GABBR2: variants seen among roughly 807,000 people sequenced by gnomAD.
GABBR2 encodes the protein G-protein coupled receptor 51.
GABBR2 carries 23 observed loss-of-function variants against 105.6 expected under a neutral mutation model. The ratio of observed to expected loss-of-function variants is 0.22; its 90% CI spans 0.16 to 0.31. GABBR2 has a LOEUF of 0.31. Among genes scored for constraint, GABBR2 ranks in the 10% least tolerant of loss-of-function variants. The probability of loss-of-function intolerance (pLI) is 1.00; values close to 1 mark genes in which losing one functional copy is unlikely to be tolerated. For synonymous variants in GABBR2, 478 were observed against 499.7 expected, an observed-to-expected ratio of 0.96 and a Z score of 0.58; for missense variants, 734 against 1,245.5, an observed-to-expected ratio of 0.59 and a Z score of 6.18.
At chr9:98,598,064 C>T (rs1197838371) in intron 1 of GABBR2, among the ~76,000 whole-genome samples, 1 of 152,158 alleles carries the variant, frequency 6.6e-6, no homozygotes, top group Non-Finnish European at 1.5e-5. Context: ...CTCAGGCAAT[C>T]CACCCGCCTT....
At chr9:98,613,447 G>A (rs201033638) in intron 1 of GABBR2, among the ~76,000 whole-genome samples, 114 of 144,142 alleles carry the variant, frequency 7.9e-4, no homozygotes, top group Non-Finnish European at 8.4e-4. Flanking sequence ...CTCAGGGGAA[G>A]AAAAAAAAAA....
chr9:98,511,032 G>T (rs910340329), intron 3 of GABBR2, among the ~76,000 whole-genome samples: 7 of 152,124 alleles, frequency 4.6e-5, no homozygotes, highest in Non-Finnish European at 7.3e-5. Context: ...AAATGTAAAA[G>T]AACAGAAGTT....
At chr9:98,356,947 C>T (rs1831495460) in intron 13 of GABBR2, among the ~76,000 whole-genome samples, 1 of 152,086 alleles carries the variant, frequency 6.6e-6, no homozygotes, top group African/African-American at 2.4e-5. Context: ...TGAAAGAAGC[C>T]AGTCTAAAAA....
chr9:98,580,710 C>T (rs1242310227), intron 1 of GABBR2, among the ~76,000 whole-genome samples: 2 of 152,148 alleles, frequency 1.3e-5, no homozygotes, highest in Admixed American at 6.5e-5. Context: ...ATCGCTTGAA[C>T]CTGGGAGGCG....
At chr9:98,382,514 C>A (rs1263143648) in intron 11 of GABBR2, among the ~76,000 whole-genome samples, 3 of 152,134 alleles carry the variant, frequency 2.0e-5, no homozygotes, top group African/African-American at 7.2e-5. Context: ...TGGGGTTTGC[C>A]ATGTTGGCCA....
intron 1 of GABBR2, among the ~76,000 whole-genome samples, chr9:98,660,937 G>A (rs529354132): frequency 1.3e-5 from 2 of 152,234 alleles, no homozygotes; most frequent in South Asian, 2.1e-4. Flanking sequence ...ATGGAGTCTC[G>A]CTCTGTTGCC....
intron 12 of GABBR2, among the ~76,000 whole-genome samples, chr9:98,370,323 C>G (rs1031502799): frequency 6.6e-6 from 1 of 152,032 alleles, no homozygotes; most frequent in African/African-American, 2.4e-5. Flanking sequence ...ATCAAGAGGA[C>G]GGCAGGAGAG....
chr9:98,511,360 G>A (rs1827639105), intron 3 of GABBR2, among the ~76,000 whole-genome samples: 1 of 150,408 alleles, frequency 6.6e-6, no homozygotes, highest in African/African-American at 2.5e-5. Flanking sequence ...AAAAGCAAGA[G>A]CAAACACATT....
At chr9:98,558,448 G>A (rs138293631) in intron 2 of GABBR2, among the ~76,000 whole-genome samples, 3 of 152,238 alleles carry the variant, frequency 2.0e-5, no homozygotes, top group South Asian at 4.1e-4. Flanking sequence ...ATAATACCAT[G>A]GGTGCCATTT....
intron 1 of GABBR2, among the ~76,000 whole-genome samples, chr9:98,582,363 CT>C (rs1829014623): frequency 6.6e-6 from 1 of 152,198 alleles, no homozygotes; most frequent in Non-Finnish European, 1.5e-5. Flanking sequence ...TTGCAAGAAA[CT>C]GAACTCTGCC....
At chr9:98,436,373 A>G (rs1825919874) in intron 7 of GABBR2, among the ~76,000 whole-genome samples, 1 of 38,774 alleles carries the variant, frequency 2.6e-5, no homozygotes, top group Admixed American at 2.6e-4. Context: ...ATATATATAT[A>G]TATATATATA....
intron 11 of GABBR2, among the ~76,000 whole-genome samples, chr9:98,385,003 A>G (rs1469678257): frequency 1.3e-5 from 2 of 152,224 alleles, no homozygotes; most frequent in South Asian, 2.1e-4. Context: ...CATATAACTC[A>G]GTCAGACATA....
chr9:98,580,247 C>T (rs1300486393), intron 1 of GABBR2, among the ~76,000 whole-genome samples: 1 of 152,190 alleles, frequency 6.6e-6, no homozygotes, highest in Admixed American at 6.5e-5. Context: ...TGGCTCACTC[C>T]TTCCCATCAA....
At chr9:98,519,514 G>A (rs1173840938) in intron 3 of GABBR2, among the ~76,000 whole-genome samples, 2 of 152,232 alleles carry the variant, frequency 1.3e-5, no homozygotes, top group Non-Finnish European at 1.5e-5. Flanking sequence ...GCCCTCAAAC[G>A]TATATCACTC....
chr9:98,660,804 C>T (rs763807178), intron 1 of GABBR2, among the ~76,000 whole-genome samples: 62 of 152,164 alleles, frequency 4.1e-4, no homozygotes, highest in Non-Finnish European at 6.3e-4. Flanking sequence ...GTTCTATGCC[C>T]GTGTCTCCTA....
chr9:98,585,280 G>T (rs1007017026), intron 1 of GABBR2, among the ~76,000 whole-genome samples: 6 of 151,822 alleles, frequency 4.0e-5, no homozygotes, highest in Admixed American at 6.6e-5. Flanking sequence ...AGAAAATGTG[G>T]CACATATACA....
intron 1 of GABBR2, 53 bp from the exon 2 acceptor site, chr9:98,578,125 A>G: frequency 6.3e-7 from 1 of 1,596,316 alleles, no homozygotes; most frequent in Non-Finnish European, 8.6e-7. Flanking sequence ...GCTTTTCCCC[A>G]GGGGCATGAG....
chr9:98,382,083 G>A (rs1427228923), intron 11 of GABBR2, among the ~76,000 whole-genome samples: 1 of 152,122 alleles, frequency 6.6e-6, no homozygotes, highest in Non-Finnish European at 1.5e-5. Context: ...AGCCCTTCAT[G>A]TCTGCTGCAG....
chr9:98,593,737 C>T (rs1318304380), intron 1 of GABBR2, among the ~76,000 whole-genome samples: 1 of 152,200 alleles, frequency 6.6e-6, no homozygotes, highest in Non-Finnish European at 1.5e-5. Context: ...CATGTGCAAA[C>T]ACCCACTGGC....
Sources: gnomAD v4.1 joint callset for allele counts (sites outside exome capture counted in the v4.1 genomes callset) on GRCh38, gnomAD v4.1.1 for gene constraint, MANE v1.5 for transcripts, NCBI Gene and HGNC (gene_info 2026-07-23, HGNC 2026-07-21) for gene names.